IGSF21: variants seen among roughly 807,000 people sequenced by gnomAD.
IGSF21 encodes immunoglobin superfamily member 21, also known as immunoglobulin superfamily member 21.
IGSF21 carries 28 observed loss-of-function variants against 46.8 expected under a neutral mutation model. The observed-to-expected ratio is 0.60, with a 90% CI of 0.44 to 0.82. The LOEUF (loss-of-function observed/expected upper bound fraction) is 0.82, where lower values mean the gene tolerates loss of function less well. Ranked by LOEUF, IGSF21 falls within the 40% of genes least tolerant of loss-of-function variation. The pLI, the probability that IGSF21 is intolerant of heterozygous loss-of-function variation, is 0.00. For synonymous variants in IGSF21, 284 were observed against 273.6 expected (o/e 1.04, Z -0.38); for missense variants, 624 against 665.5 (o/e 0.94, Z 0.69).
chr1:18,228,083 C>A (rs1444223097), intron 2 of IGSF21, 73 bp downstream of exon 2: 9 of 1,175,616 alleles, frequency 7.7e-6, no homozygotes, highest in African/African-American at 1.5e-5. Context: ...CCTCTGGACA[C>A]CCTCACTGGT....
chr1:18,218,443 T>C (rs978276417), intron 1 of IGSF21, among the ~76,000 whole-genome samples: 2 of 152,144 alleles, frequency 1.3e-5, no homozygotes, highest in Non-Finnish European at 2.9e-5. Context: ...CAACACAAAA[T>C]CAAGGACTTC....
intron 1 of IGSF21, among the ~76,000 whole-genome samples, chr1:18,144,568 C>T (rs964692507): frequency 9.2e-5 from 14 of 152,160 alleles, no homozygotes; most frequent in Non-Finnish European, 4.4e-5. Flanking sequence ...TAGGTCCAGT[C>T]CTCCAGTCCC....
At chr1:18,238,256 C>G (rs1027303193) in intron 2 of IGSF21, among the ~76,000 whole-genome samples, 1 of 152,168 alleles carries the variant, frequency 6.6e-6, no homozygotes, top group Admixed American at 6.5e-5. Flanking sequence ...CGAGGTTGTG[C>G]CAGATGGCCC....
intron 2 of IGSF21, among the ~76,000 whole-genome samples, chr1:18,240,058 G>A (rs187788075): frequency 2.6e-5 from 4 of 152,220 alleles, no homozygotes; most frequent in South Asian, 2.1e-4. Context: ...AGGATAGATC[G>A]CTTGACCCCA....
chr1:18,212,317 G>T (rs939487790), intron 1 of IGSF21, among the ~76,000 whole-genome samples: 1 of 152,210 alleles, frequency 6.6e-6, no homozygotes, highest in Non-Finnish European at 1.5e-5. Context: ...GATAGAGTCA[G>T]AAGCTGTCCC....
At chr1:18,213,359 A>G (rs552306715) in intron 1 of IGSF21, among the ~76,000 whole-genome samples, 1 of 152,168 alleles carries the variant, frequency 6.6e-6, no homozygotes, top group African/African-American at 2.4e-5. Context: ...TATCTTATTC[A>G]TATCAGGGCT....
At chr1:18,355,004 A>G (rs2086000317) in intron 4 of IGSF21, among the ~76,000 whole-genome samples, 1 of 152,342 alleles carries the variant, frequency 6.6e-6, no homozygotes, top group East Asian at 1.9e-4. Context: ...GGTATGTCTT[A>G]TTGAACTCAT....
At chr1:18,362,977 G>A (rs1317274227) in intron 5 of IGSF21, among the ~76,000 whole-genome samples, 1 of 152,104 alleles carries the variant, frequency 6.6e-6, no homozygotes, top group Admixed American at 6.5e-5. Context: ...TAGGGGGCTG[G>A]ACAATATTTG....
intron 4 of IGSF21, among the ~76,000 whole-genome samples, chr1:18,342,828 A>G (rs1315228020): frequency 6.6e-6 from 1 of 152,194 alleles, no homozygotes; most frequent in African/African-American, 2.4e-5. Flanking sequence ...TTGTTTATGC[A>G]TTCCTCAGTG....
chr1:18,246,867 G>A (rs2084789400), intron 2 of IGSF21, among the ~76,000 whole-genome samples: 1 of 152,110 alleles, frequency 6.6e-6, no homozygotes, highest in Admixed American at 6.6e-5. Context: ...TTTGGAAGCT[G>A]CTTTGGACTC....
intron 2 of IGSF21, among the ~76,000 whole-genome samples, chr1:18,277,861 G>C (rs762234825): frequency 1.3e-5 from 2 of 152,138 alleles, no homozygotes; most frequent in Non-Finnish European, 2.9e-5. Context: ...ATCATCTCTC[G>C]GGTGAGGTTT....
At chr1:18,273,951 C>T (rs959100544) in intron 2 of IGSF21, among the ~76,000 whole-genome samples, 8 of 152,226 alleles carry the variant, frequency 5.3e-5, no homozygotes, top group Admixed American at 2.6e-4. Context: ...ATCCCAGCTT[C>T]GCCACTAGTC....
intron 2 of IGSF21, among the ~76,000 whole-genome samples, chr1:18,277,513 A>G (rs2085113645): frequency 6.6e-6 from 1 of 152,192 alleles, no homozygotes; most frequent in African/African-American, 2.4e-5. Flanking sequence ...CCCTTTGTCA[A>G]ACAAAGCAGT....
intron 4 of IGSF21, among the ~76,000 whole-genome samples, chr1:18,359,462 GGGAAGGAAGGAAGGAAGGAAGGAA>G (rs200525577): frequency 5.2e-4 from 39 of 74,880 alleles, no homozygotes; most frequent in African/African-American, 1.4e-3. Context: ...AAGAAAGAAA[GGGAAGGAAGGAAGGAAGGAAGGAA>G]GGAAGGAAGG....
chr1:18,327,382 C>T (rs2085667601), intron 3 of IGSF21, among the ~76,000 whole-genome samples: 2 of 152,226 alleles, frequency 1.3e-5, no homozygotes, highest in African/African-American at 2.4e-5. Context: ...TAGGACCAGC[C>T]GTGCCATGTC....
intron 2 of IGSF21, among the ~76,000 whole-genome samples, chr1:18,240,257 G>T (rs960623319): frequency 1.3e-5 from 2 of 152,220 alleles, no homozygotes; most frequent in Non-Finnish European, 2.9e-5. Flanking sequence ...CTCCAGCCTG[G>T]AGGACAGAAA....
intron 2 of IGSF21, among the ~76,000 whole-genome samples, chr1:18,231,015 T>C (rs1228266743): frequency 1.3e-5 from 2 of 151,878 alleles, no homozygotes; most frequent in Non-Finnish European, 2.9e-5. Flanking sequence ...CCTTTCTCCA[T>C]CCTCCGTGAA....
chr1:18,167,133 C>T (rs1030501255), intron 1 of IGSF21: 2 of 152,594 alleles, frequency 1.3e-5, no homozygotes, highest in East Asian at 1.9e-4. Flanking sequence ...CGCTACACAT[C>T]GCTGGCTGAG....
intron 1 of IGSF21, among the ~76,000 whole-genome samples, chr1:18,220,552 C>A (rs950925451): frequency 6.6e-6 from 1 of 152,022 alleles, no homozygotes; most frequent in African/African-American, 2.4e-5. Context: ...GTTCTAGGCA[C>A]CTGGGGACCA....
Sources: allele counts gnomAD v4.1 joint callset (sites outside exome capture counted in the v4.1 genomes callset), GRCh38; gene constraint gnomAD v4.1.1; transcripts MANE v1.5; gene names NCBI Gene and HGNC (gene_info 2026-07-23, HGNC 2026-07-21).